Variants in SFMBT1 observed in about 807,000 individuals in gnomAD.
SFMBT1 encodes Scm like with four mbt domains 1.
Under a neutral mutation model 108.7 loss-of-function variants are expected in SFMBT1, and 32 were observed. The ratio of observed to expected loss-of-function variants is 0.29; its 90% CI spans 0.22 to 0.40. The LOEUF (loss-of-function observed/expected upper bound fraction) is 0.40. SFMBT1 is among the 10% of genes least tolerant of loss of function. The pLI, the probability that SFMBT1 is intolerant of heterozygous loss-of-function variation, is 1.00. For missense variants in SFMBT1, 816 were observed against 1,059.6 expected (o/e 0.77, Z 3.19); for synonymous variants, 348 against 369.5 (o/e 0.94, Z 0.67).
In SFMBT1 at chr3:52,922,140, C is replaced by A. The variant is rs117915819; in HGVS notation, c.1132-309G>T. ...ACCTGTCAGATGAGGTTGAGAACTC[C>A]CATCTGGCTGTGCTATTACAAGGTA... On this transcript the variant is annotated intron_variant, in intron 10 of 20. Coordinates refer to ENST00000394752, the MANE Select transcript of SFMBT1 (RefSeq NM_016329.4). Among the ~76,000 whole-genome samples the A allele has an allele frequency of 1.1e-4, 17 of 152,220 alleles. No homozygotes were observed. In the East Asian group the frequency reaches 2.5e-3, roughly 22 times the overall value.
At chr3:52,990,600 T>C (rs1705085144) in intron 1 of SFMBT1, among the ~76,000 whole-genome samples, 1 of 152,140 alleles carries the variant, frequency 6.6e-6, no homozygotes. Flanking sequence ...ATTCAGACTG[T>C]TGGACTGTTA....
chr3:52,993,675 C>CA lies in SFMBT1; in HGVS notation c.-130-24418dup, dbSNP rs987776689. Among the ~76,000 whole-genome samples, 33 of 145,248 alleles carry CA rather than the reference C, an allele frequency of 2.3e-4. 2 individuals are homozygous for CA. In the East Asian group the frequency reaches 3.2e-3, roughly 14 times the overall value. ...TATTTAAAACAGATGCACTGACAGCCAAAAAAAAGGGGAAAAAAATCCCAT... is the reference window on the plus strand; with the variant it reads ...TATTTAAAACAGATGCACTGACAGCCAAAAAAAAAGGGGAAAAAAATCCCAT... On this transcript the variant is annotated intron_variant, in intron 1 of 20. Transcript: ENST00000394752.
At chr3:52,916,771 T>C (rs1044355239) in intron 13 of SFMBT1, among the ~76,000 whole-genome samples, 1 of 152,070 alleles carries the variant, frequency 6.6e-6, no homozygotes, top group African/African-American at 2.4e-5. Context: ...AATGAGCCAA[T>C]GGACAGTCTG....
At chr3:52,977,208 C>T (rs1055008926) in intron 1 of SFMBT1, among the ~76,000 whole-genome samples, 1 of 152,112 alleles carries the variant, frequency 6.6e-6, no homozygotes, top group African/African-American at 2.4e-5. Context: ...TGAGCAATGC[C>T]TGTATTAAGA....
intron 1 of SFMBT1, among the ~76,000 whole-genome samples, chr3:52,992,530 T>C (rs1450666470): frequency 6.6e-6 from 1 of 152,202 alleles, no homozygotes; most frequent in Non-Finnish European, 1.5e-5. Flanking sequence ...TGTATTTCTG[T>C]GACTAGGCCA....
chr3:52,987,073 C>T (rs773960224), intron 1 of SFMBT1, among the ~76,000 whole-genome samples: 3 of 152,134 alleles, frequency 2.0e-5, no homozygotes, highest in Admixed American at 6.5e-5. Flanking sequence ...TCATCAATAT[C>T]GTTGTCTTCC....
chr3:52,963,793 T>C (rs545558043), intron 2 of SFMBT1, among the ~76,000 whole-genome samples: 1 of 152,264 alleles, frequency 6.6e-6, no homozygotes, highest in South Asian at 2.1e-4. Context: ...TAAACACCAG[T>C]GGAATATATT....
chr3:52,973,582 C>G (rs992469202), intron 1 of SFMBT1, among the ~76,000 whole-genome samples: 1 of 151,910 alleles, frequency 6.6e-6, no homozygotes, highest in Non-Finnish European at 1.5e-5. Flanking sequence ...TTTGAAAGAC[C>G]TAAAAGTCAT....
intron 1 of SFMBT1, among the ~76,000 whole-genome samples, chr3:53,037,978 G>A (rs1341217693): frequency 6.6e-6 from 1 of 152,164 alleles, no homozygotes; most frequent in African/African-American, 2.4e-5. Context: ...AGGCATGGTG[G>A]CAGGCACCTG....
At chr3:52,931,813 C>A (rs774471020) in intron 6 of SFMBT1, among the ~76,000 whole-genome samples, 16 of 152,102 alleles carry the variant, frequency 1.1e-4, no homozygotes, top group Non-Finnish European at 2.2e-4. Flanking sequence ...GCACTCCAGC[C>A]TGGGTAACAG....
At chr3:52,989,668 G>A (rs6772715) in intron 1 of SFMBT1, among the ~76,000 whole-genome samples, 7,837 of 151,394 alleles carry the variant, frequency 0.052, 696 homozygotes, top group African/African-American at 0.18. Context: ...GCATGGTGGC[G>A]CGCGCCTGTA....
intron 9 of SFMBT1, 70 bp downstream of exon 9, chr3:52,928,121 A>G (rs1014158610): frequency 6.4e-7 from 1 of 1,555,284 alleles, no homozygotes; most frequent in Non-Finnish European, 8.7e-7. Context: ...GATTTCAGCA[A>G]TGCCATCTGA....
At chr3:52,932,930 T>A (rs544855042) in intron 5 of SFMBT1, among the ~76,000 whole-genome samples, 21 of 151,878 alleles carry the variant, frequency 1.4e-4, no homozygotes, top group South Asian at 4.2e-4. Flanking sequence ...TTTAAAAATT[T>A]AAAAAAAGCA....
At chr3:52,978,929 T>C (rs770808339) in intron 1 of SFMBT1, among the ~76,000 whole-genome samples, 4 of 152,022 alleles carry the variant, frequency 2.6e-5, no homozygotes, top group South Asian at 4.2e-4. Context: ...AGTGGGTAGA[T>C]TGTGGTTGCC....
intron 1 of SFMBT1, among the ~76,000 whole-genome samples, chr3:53,012,910 G>A (rs896532341): frequency 6.6e-6 from 1 of 151,540 alleles, no homozygotes; most frequent in Non-Finnish European, 1.5e-5. Context: ...TACACTGATT[G>A]GAGCATATTT....
intron 11 of SFMBT1, among the ~76,000 whole-genome samples, chr3:52,920,886 C>T (rs956085567): frequency 2.0e-5 from 3 of 152,128 alleles, no homozygotes; most frequent in African/African-American, 7.2e-5. Flanking sequence ...CAGGGTGACA[C>T]TTAAGCTAGG....
intron 16 of SFMBT1, 54 bp from the exon 17 acceptor site, chr3:52,911,232 G>GA: frequency 1.3e-6 from 2 of 1,511,590 alleles, no homozygotes; most frequent in East Asian, 2.3e-5. Flanking sequence ...ATTACCCAGA[G>GA]AAAAATCAAA....
At chr3:52,920,737 A>G (rs1575374139) in intron 11 of SFMBT1, 87 bp from the exon 12 acceptor site, 2 of 757,348 alleles carry the variant, frequency 2.6e-6, no homozygotes, top group Non-Finnish European at 4.4e-6. Flanking sequence ...TATTTTCTAG[A>G]TAATGTTCTA....
At chr3:52,914,314 A>G (rs1559508527) in intron 14 of SFMBT1, among the ~76,000 whole-genome samples, 1 of 152,242 alleles carries the variant, frequency 6.6e-6, no homozygotes, top group Admixed American at 6.5e-5. Flanking sequence ...AAATACTGCT[A>G]TAAAGCACAG....
Sources: allele counts gnomAD v4.1 joint callset (sites outside exome capture counted in the v4.1 genomes callset), GRCh38; gene constraint gnomAD v4.1.1; transcripts MANE v1.5; gene names NCBI Gene and HGNC (gene_info 2026-07-23, HGNC 2026-07-21).